GNAZ: variants seen among roughly 807,000 people sequenced by gnomAD.
GNAZ encodes the protein G protein subunit alpha z, also known as guanine nucleotide-binding protein G(z) subunit alpha.
In GNAZ, 3 loss-of-function variants were observed where a neutral mutation model predicts 25.4. The ratio of observed to expected loss-of-function variants is 0.12; its 90% CI spans 0.05 to 0.30. The LOEUF is 0.30. Ranked by LOEUF, GNAZ falls within the 10% of genes least tolerant of loss-of-function variation. GNAZ has a pLI of 1.00. For missense variants in GNAZ, 241 were observed against 501.8 expected, an observed-to-expected ratio of 0.48 and a Z score of 4.97; for synonymous variants, 211 against 205.7, an observed-to-expected ratio of 1.03 and a Z score of -0.22.
chr22:23,080,762 CAAAAGCT>C (rs2068654214), intron 1 of GNAZ, among the ~76,000 whole-genome samples: 1 of 152,218 alleles, frequency 6.6e-6, no homozygotes, highest in African/African-American at 2.4e-5. Context: ...TCAAACACTG[CAAAAGCT>C]ATTGTGATAA....
chr22:23,123,084 C>A lies in GNAZ; in HGVS notation c.724-3C>A. 6.2e-7 allele frequency: 1 copy of A among 1,605,530 alleles called. No homozygotes were observed. Among genetic ancestry groups the A allele is most frequent in the Non-Finnish European group, 8.5e-7 (1 of 1,172,222 alleles). On this transcript the variant is annotated splice_polypyrimidine_tract_variant and splice_region_variant and intron_variant, in intron 2 of 2. Transcript: ENST00000615612. Reference sequence around the variant, plus strand: ...ATTAACGCCAGTACTTTCCTTTCCCCAGAGTCGGATGGCAGAGAGCTTGCG... The same window carrying A: ...ATTAACGCCAGTACTTTCCTTTCCCAAGAGTCGGATGGCAGAGAGCTTGCG...
chr22:23,109,286 C>T (rs1024448851), intron 2 of GNAZ, among the ~76,000 whole-genome samples: 1 of 152,310 alleles, frequency 6.6e-6, no homozygotes, highest in South Asian at 2.1e-4. Flanking sequence ...ACCAAAGCCA[C>T]GGAGCCAGCC....
At chr22:23,097,333 T>G (rs1020382612) in intron 2 of GNAZ, among the ~76,000 whole-genome samples, 11 of 152,302 alleles carry the variant, frequency 7.2e-5, no homozygotes, top group African/African-American at 2.6e-4. Context: ...GCTTTATTCT[T>G]TAGGTTCAGC....
chr22:23,079,535 C>A (rs1332332727), intron 1 of GNAZ, among the ~76,000 whole-genome samples: 2 of 152,144 alleles, frequency 1.3e-5, no homozygotes, highest in Admixed American at 1.3e-4. Flanking sequence ...TGGACTTTGA[C>A]TCGGGGTCTG....
chr22:23,110,852 C>T (rs1254581104), intron 2 of GNAZ, among the ~76,000 whole-genome samples: 3 of 152,182 alleles, frequency 2.0e-5, no homozygotes, highest in African/African-American at 7.2e-5. Flanking sequence ...AAGGGCCCAC[C>T]ACACTCTGAG....
intron 1 of GNAZ, among the ~76,000 whole-genome samples, chr22:23,083,736 A>G (rs5751578): frequency 0.34 from 52,091 of 151,744 alleles, 9,693 homozygotes; most frequent in African/African-American, 0.5. Flanking sequence ...AAAAAGGACC[A>G]GTTTGTGGGG....
intron 1 of GNAZ, among the ~76,000 whole-genome samples, chr22:23,080,102 T>G (rs756402688): frequency 6.6e-6 from 1 of 152,184 alleles, no homozygotes; most frequent in South Asian, 2.1e-4. Flanking sequence ...ATTTGGCTCT[T>G]AATGAAGGCC....
chr22:23,113,584 C>G (rs1265825616), intron 2 of GNAZ, among the ~76,000 whole-genome samples: 1 of 152,244 alleles, frequency 6.6e-6, no homozygotes, highest in Non-Finnish European at 1.5e-5. Flanking sequence ...CTGATACCAT[C>G]CTTGGAGTGG....
intron 1 of GNAZ, among the ~76,000 whole-genome samples, chr22:23,077,089 G>A (rs1442923146): frequency 6.6e-6 from 1 of 152,226 alleles, no homozygotes; most frequent in Non-Finnish European, 1.5e-5. Context: ...AGTCATGGTC[G>A]ATTAGTGATG....
At chr22:23,107,658 A>G (rs2069521390) in intron 2 of GNAZ, among the ~76,000 whole-genome samples, 1 of 152,112 alleles carries the variant, frequency 6.6e-6, no homozygotes, top group South Asian at 2.1e-4. Flanking sequence ...AGCAAGAAGC[A>G]CCGGAACCCA....
rs1417140401 is a variant in GNAZ at position 23,123,456 on chromosome 22, C to T, written c.*25C>T. The T allele has an allele frequency of 6.6e-7, 1 of 1,522,532 alleles. No homozygotes were observed. Among genetic ancestry groups the T allele is most frequent in the East Asian group, 2.3e-5 (1 of 43,522 alleles). The allele number at this position is 1,522,532 out of a possible 1,614,324, so 94.3% of individuals were successfully genotyped here. A position where few individuals can be genotyped will look rare whatever the true frequency, so the allele number is the denominator to read the frequency against. Reference sequence around the variant, plus strand: ...AGGAGCTGGGCCCGGGGCCCGCCTGCCTATGGTGAAACCCACGGGGTGTCA... The same window carrying T: ...AGGAGCTGGGCCCGGGGCCCGCCTGTCTATGGTGAAACCCACGGGGTGTCA... On this transcript the variant is annotated 3_prime_UTR_variant, in exon 3 of 3. Coordinates refer to ENST00000615612, the MANE Select transcript of GNAZ (RefSeq NM_002073.4).
At position 23,124,670 on chromosome 22, in the gene GNAZ, C is replaced by T. The variant is rs917215885; in HGVS notation, c.*1239C>T. ...TGGTGCCCCTGGTCCCAGCATGCCC[C>T]GCGCCTGAGACTGGCTGGAAATGCT... is the stretch of plus-strand genomic sequence containing the variant. On this transcript the variant is annotated 3_prime_UTR_variant, in exon 3 of 3. Coordinates refer to ENST00000615612, the MANE Select transcript of GNAZ (RefSeq NM_002073.4). 5 of 200,562 alleles carry T rather than the reference C, an allele frequency of 2.5e-5. No individual in the cohort carries two copies. The highest frequency in any genetic ancestry group is 1.6e-4 in the East Asian group (1 of 6,348). The allele number at this position is 200,562 out of a possible 1,614,324, so 12.4% of individuals were successfully genotyped here.
intron 1 of GNAZ, among the ~76,000 whole-genome samples, chr22:23,088,920 C>T (rs1227513045): frequency 6.6e-6 from 1 of 152,252 alleles, no homozygotes; most frequent in Non-Finnish European, 1.5e-5. Context: ...GGGCCTCAGG[C>T]ATGACTGCCT....
Position 23,106,814 on chromosome 22 carries a change from G to C in GNAZ, c.723+10396G>C, listed in dbSNP as rs147207775. 2.5e-3 allele frequency among the ~76,000 whole-genome samples: 378 copies of C among 152,350 alleles called. 4 individuals are homozygous for C. Among genetic ancestry groups the C allele is most frequent in the African/African-American group, 8.8e-3 (365 of 41,600 alleles). ...GGAAACTCGGGTTTCAGGAAAAGTTGTCCCTGTGGCAAAGTGGGGGCCTTC... is the reference window on the plus strand; with the variant it reads ...GGAAACTCGGGTTTCAGGAAAAGTTCTCCCTGTGGCAAAGTGGGGGCCTTC... On this transcript the variant is annotated intron_variant, in intron 2 of 2. Transcript: ENST00000615612.
intron 2 of GNAZ, chr22:23,122,467 GGAGCC>G (rs1236436543): frequency 1.3e-5 from 2 of 153,110 alleles, no homozygotes; most frequent in African/African-American, 4.8e-5. Context: ...GGGCAGGGGA[GGAGCC>G]TGGCCTCTGG....
At chr22:23,099,592 G>A (rs866493600) in intron 2 of GNAZ, among the ~76,000 whole-genome samples, 21 of 152,228 alleles carry the variant, frequency 1.4e-4, no homozygotes, top group Non-Finnish European at 4.4e-5. Flanking sequence ...CACAGCTGGC[G>A]CTGGCGGGCC....
chr22:23,084,666 C>T (rs1023331134), intron 1 of GNAZ, among the ~76,000 whole-genome samples: 6 of 152,242 alleles, frequency 3.9e-5, no homozygotes, highest in South Asian at 2.1e-4. Flanking sequence ...ACCTGCGCTT[C>T]GTGGCCCATG....
intron 2 of GNAZ, among the ~76,000 whole-genome samples, chr22:23,097,915 A>C (rs1378723920): frequency 6.6e-6 from 1 of 152,234 alleles, no homozygotes; most frequent in East Asian, 1.9e-4. Context: ...CCCGGGCACC[A>C]GGCCTGGCTC....
At chr22:23,100,799 A>G (rs7291987) in intron 2 of GNAZ, among the ~76,000 whole-genome samples, 3,907 of 152,280 alleles carry the variant, frequency 0.026, 173 homozygotes, top group African/African-American at 0.09. Flanking sequence ...AGCAGCTGGG[A>G]CACTCAGCCC....
Sources: allele counts gnomAD v4.1 joint callset (sites outside exome capture counted in the v4.1 genomes callset), GRCh38; gene constraint gnomAD v4.1.1; transcripts MANE v1.5; gene names NCBI Gene and HGNC (gene_info 2026-07-23, HGNC 2026-07-21).